RERE: variants seen among roughly 807,000 people sequenced by gnomAD.
RERE encodes arginine-glutamic acid dipeptide repeats.
RERE carries 40 observed loss-of-function variants against 146.1 expected under a neutral mutation model. The observed-to-expected ratio is 0.27, with a 90% CI of 0.21 to 0.36. The LOEUF (loss-of-function observed/expected upper bound fraction) is 0.36. RERE is among the 10% of genes least tolerant of loss of function. The probability of loss-of-function intolerance (pLI) is 1.00; values close to 1 mark genes in which losing one functional copy is unlikely to be tolerated. For synonymous variants in RERE, 1,003 were observed against 866.0 expected, an observed-to-expected ratio of 1.16 and a Z score of -2.78; for missense variants, 1,933 against 2,138.7, an observed-to-expected ratio of 0.90 and a Z score of 1.90.
intron 12 of RERE, among the ~76,000 whole-genome samples, chr1:8,411,502 G>C (rs960364920): frequency 2.0e-5 from 3 of 151,910 alleles, no homozygotes; most frequent in Non-Finnish European, 2.9e-5. Flanking sequence ...CCAGTATTCT[G>C]GTTAATAGCC....
intron 12 of RERE, among the ~76,000 whole-genome samples, chr1:8,385,118 G>A (rs1642592191): frequency 6.6e-6 from 1 of 152,168 alleles, no homozygotes. Context: ...GGTCTATGCT[G>A]TTCTTTATGG....
chr1:8,641,296 C>T (rs1014151169), intron 2 of RERE, among the ~76,000 whole-genome samples: 1 of 152,230 alleles, frequency 6.6e-6, no homozygotes. Flanking sequence ...TAGAGTATAA[C>T]AGATTAAACA....
intron 4 of RERE, among the ~76,000 whole-genome samples, chr1:8,594,542 A>G (rs1481813610): frequency 6.6e-6 from 1 of 152,226 alleles, no homozygotes; most frequent in Non-Finnish European, 1.5e-5. Flanking sequence ...AATTTTTATA[A>G]TAATTTAGCC....
chr1:8,554,002 C>T (rs542152485), intron 6 of RERE, among the ~76,000 whole-genome samples: 131 of 152,022 alleles, frequency 8.6e-4, no homozygotes, highest in African/African-American at 3.1e-3. Context: ...GATGGTGAAA[C>T]CCTGTCTCTA....
At chr1:8,765,845 G>A (rs928045909) in intron 1 of RERE, among the ~76,000 whole-genome samples, 4 of 152,222 alleles carry the variant, frequency 2.6e-5, no homozygotes, top group Non-Finnish European at 4.4e-5. Context: ...CCGGCTACCC[G>A]GGAGGCTGAG....
chr1:8,640,478 A>C (rs1442472614), intron 2 of RERE, among the ~76,000 whole-genome samples: 1 of 152,234 alleles, frequency 6.6e-6, no homozygotes, highest in African/African-American at 2.4e-5. Context: ...TACATAACTG[A>C]AAAGGCATTC....
At chr1:8,610,394 G>T (rs963472707) in intron 4 of RERE, among the ~76,000 whole-genome samples, 1 of 151,644 alleles carries the variant, frequency 6.6e-6, no homozygotes, top group Non-Finnish European at 1.5e-5. Context: ...TTCGAGACCA[G>T]CCTGGCCAAC....
At chr1:8,397,047 G>A (rs1473535950) in intron 12 of RERE, among the ~76,000 whole-genome samples, 3 of 152,214 alleles carry the variant, frequency 2.0e-5, no homozygotes, top group Non-Finnish European at 4.4e-5. Context: ...CCTGGGAGGA[G>A]AAACAGGAGC....
At chr1:8,446,700 A>C (rs1221600971) in intron 11 of RERE, among the ~76,000 whole-genome samples, 2 of 151,814 alleles carry the variant, frequency 1.3e-5, no homozygotes, top group Non-Finnish European at 2.9e-5. Flanking sequence ...TTTTTTTTAG[A>C]GTCTCGCTCT....
rs6680328 is a variant in RERE at position 8,799,731 on chromosome 1, A to G, written c.-145+17429T>C. Among the ~76,000 whole-genome samples the G allele has an allele frequency of 2.6e-3, 391 of 151,478 alleles. 3 individuals are homozygous for G. Among genetic ancestry groups the G allele is most frequent in the African/African-American group, 9.0e-3 (369 of 40,996 alleles). On this transcript the variant is annotated intron_variant, in intron 1 of 22. Coordinates refer to ENST00000400908, the MANE Select transcript of RERE (RefSeq NM_001042681.2). ...ACAAATTCGTAAACTTTCTTAAAAC[A>G]TTATGAGTTTTTTTGTGATTTTTTT... is the stretch of plus-strand genomic sequence containing the variant.
chr1:8,694,730 G>A (rs1372643235), intron 1 of RERE, among the ~76,000 whole-genome samples: 2 of 151,892 alleles, frequency 1.3e-5, no homozygotes, highest in South Asian at 2.1e-4. Flanking sequence ...CTGCATTCAC[G>A]GCTGGGTGAC....
intron 7 of RERE, among the ~76,000 whole-genome samples, chr1:8,508,944 T>G (rs1418745251): frequency 6.6e-6 from 1 of 152,098 alleles, no homozygotes; most frequent in African/African-American, 2.4e-5. Flanking sequence ...AGACAGAGTC[T>G]CACTCTGTCG....
At chr1:8,797,204 G>A (rs1314380682) in intron 1 of RERE, among the ~76,000 whole-genome samples, 1 of 151,994 alleles carries the variant, frequency 6.6e-6, no homozygotes, top group Non-Finnish European at 1.5e-5. Flanking sequence ...GGAGACCCTA[G>A]AAAAAAATTA....
rs1398992197 is a variant in RERE at position 8,601,772 on chromosome 1, C to CACACACACAA, written c.522+12788_522+12789insTTGTGTGTGT. Among the ~76,000 whole-genome samples, 97 of 138,994 alleles carry CACACACACAA rather than the reference C, an allele frequency of 7.0e-4. 1 individual carries two copies. Among genetic ancestry groups the CACACACACAA allele is most frequent in the African/African-American group, 2.4e-3 (96 of 39,240 alleles). The allele number at this position is 138,994 out of a possible 152,430, so 91.2% of individuals were successfully genotyped here. A position where few individuals can be genotyped will look rare whatever the true frequency, so the allele number is the denominator to read the frequency against. The stretch of plus-strand genomic sequence containing the variant: ...ACACACACACACACACACACACACA[C>CACACACACAA]ACACAAACACACACACAGACACACA... On this transcript the variant is annotated intron_variant, in intron 4 of 22. Transcript: ENST00000400908.
chr1:8,712,047 G>A (rs1639678280), intron 1 of RERE, among the ~76,000 whole-genome samples: 1 of 152,162 alleles, frequency 6.6e-6, no homozygotes, highest in Non-Finnish European at 1.5e-5. Context: ...TACAGATCCA[G>A]GAACTGCCTG....
At chr1:8,640,207 T>C (rs1224327450) in intron 2 of RERE, among the ~76,000 whole-genome samples, 1 of 151,810 alleles carries the variant, frequency 6.6e-6, no homozygotes, top group East Asian at 1.9e-4. Flanking sequence ...AAAATCTGTA[T>C]CATAAACTCA....
At chr1:8,525,775 G>A in intron 7 of RERE, 1 of 1,599,604 alleles carries the variant, frequency 6.3e-7, no homozygotes, top group Non-Finnish European at 8.5e-7. Flanking sequence ...GGGCTGAATG[G>A]ATCATCCATG....
chr1:8,718,419 C>T (rs938865914), intron 1 of RERE, among the ~76,000 whole-genome samples: 2 of 152,218 alleles, frequency 1.3e-5, no homozygotes, highest in Non-Finnish European at 2.9e-5. Context: ...AAGCAAATTA[C>T]ACAGCAAAGG....
chr1:8,687,243 G>C (rs931816175), intron 1 of RERE, among the ~76,000 whole-genome samples: 45 of 152,038 alleles, frequency 3.0e-4, no homozygotes, highest in African/African-American at 1.1e-3. Flanking sequence ...GCGCCTCAGA[G>C]AGTTCCCTGA....
Sources: gnomAD v4.1 joint callset for allele counts (sites outside exome capture counted in the v4.1 genomes callset) on GRCh38, gnomAD v4.1.1 for gene constraint, MANE v1.5 for transcripts, NCBI Gene and HGNC (gene_info 2026-07-23, HGNC 2026-07-21) for gene names.